RASA1: variants seen among roughly 807,000 people sequenced by gnomAD.
The protein encoded by RASA1 is RAS p21 protein activator 1.
Under a neutral mutation model 132.2 loss-of-function variants are expected in RASA1, and 25 were observed. That is an observed-to-expected ratio of 0.19 (90% CI 0.14 to 0.26). The LOEUF (loss-of-function observed/expected upper bound fraction) is 0.26, where lower values mean the gene tolerates loss of function less well. Among genes scored for constraint, RASA1 ranks in the 10% least tolerant of loss-of-function variants. RASA1 has a pLI of 1.00. For synonymous variants in RASA1, 477 were observed against 449.9 expected (o/e 1.06, Z -0.76); for missense variants, 964 against 1,299.2 (o/e 0.74, Z 3.97).
rs1753693500 is a variant in RASA1, at chr5:87,268,868, T to G, written c.417T>G (p.Pro139=). ...GPGGGFPPLP[P]PPYLPPLGAG... is the part of the protein sequence containing the mutation. ...GCGGCGGTTTTCCCCCTCTGCCCCC[T>G]CCCCCTTACCTGCCCCCTTTGGGGG... The change falls in exon 1 of 25, where the codon CCT becomes CCG. Residue 139 remains proline, a synonymous_variant. Coordinates refer to ENST00000274376, the MANE Select transcript of RASA1 (RefSeq NM_002890.3). 1 of 1,613,106 alleles carries G rather than the reference T, an allele frequency of 6.2e-7. No individual in the cohort carries two copies. The highest frequency in any genetic ancestry group is 8.5e-7 in the Non-Finnish European group (1 of 1,179,890).
chr5:87,365,009 T>C (rs1760398581), intron 11 of RASA1, among the ~76,000 whole-genome samples: 1 of 152,174 alleles, frequency 6.6e-6, no homozygotes, highest in East Asian at 1.9e-4. Flanking sequence ...TATTCACTAC[T>C]AAATGTAGTT....
chr5:87,271,573 T>G (rs1753842494), intron 1 of RASA1, among the ~76,000 whole-genome samples: 1 of 141,850 alleles, frequency 7.0e-6, no homozygotes, highest in Admixed American at 7.3e-5. Context: ...CCTCCCCGCC[T>G]TCAGGTTCAA....
intron 20 of RASA1, among the ~76,000 whole-genome samples, chr5:87,382,611 C>A (rs572901408): frequency 2.6e-5 from 4 of 152,288 alleles, no homozygotes; most frequent in African/African-American, 9.6e-5. Context: ...ATCCTCCCTA[C>A]CAGTGACTAA....
rs542071140 is a variant in RASA1, at chr5:87,338,147, A to G, written c.1017+56A>G. Reference sequence around the variant, plus strand: ...GATTCTAAATATTTTATAAATTTGGATCTTGTCCGTAATCAGAGAAAGTAG... The same window carrying G: ...GATTCTAAATATTTTATAAATTTGGGTCTTGTCCGTAATCAGAGAAAGTAG... On this transcript the variant is annotated intron_variant, in intron 5 of 24. Coordinates refer to ENST00000274376, the MANE Select transcript of RASA1 (RefSeq NM_002890.3). 2.6e-5 allele frequency: 42 copies of G among 1,605,758 alleles called. No individual in the cohort carries two copies. The East Asian group carries it at 8.8e-4, about 34-fold the overall frequency.
At chr5:87,307,448 G>A (rs1263935835) in intron 1 of RASA1, among the ~76,000 whole-genome samples, 1 of 147,152 alleles carries the variant, frequency 6.8e-6, no homozygotes, top group South Asian at 2.2e-4. Flanking sequence ...GCAACAGAGC[G>A]AAACTCTGTC....
intron 1 of RASA1, among the ~76,000 whole-genome samples, chr5:87,293,852 G>A (rs757194723): frequency 3.9e-5 from 6 of 152,078 alleles, no homozygotes; most frequent in African/African-American, 9.6e-5. Flanking sequence ...ATTTGTGGGC[G>A]TAGATTTATT....
chr5:87,282,063 T>G (rs1043033941), intron 1 of RASA1, among the ~76,000 whole-genome samples: 2 of 152,200 alleles, frequency 1.3e-5, no homozygotes, highest in Non-Finnish European at 2.9e-5. Flanking sequence ...TCCAGCTTAC[T>G]TGTTTTTTTC....
chr5:87,269,631 A>C (rs1268780603), intron 1 of RASA1, among the ~76,000 whole-genome samples: 1 of 152,214 alleles, frequency 6.6e-6, no homozygotes, highest in African/African-American at 2.4e-5. Context: ...TTGCCACTTA[A>C]TATTAACGCA....
chr5:87,291,410 G>A (rs1053737946), intron 1 of RASA1, among the ~76,000 whole-genome samples: 1 of 152,116 alleles, frequency 6.6e-6, no homozygotes, highest in Non-Finnish European at 1.5e-5. Context: ...GCACACCTGT[G>A]GTTCCAGCTA....
chr5:87,383,932 G>A, intron 21 of RASA1, 152 bp downstream of exon 21: 1 of 695,502 alleles, frequency 1.4e-6, no homozygotes, highest in Non-Finnish European at 2.4e-6. Flanking sequence ...TTCCTTCCTT[G>A]TGCTTGTGCT....
intron 1 of RASA1, among the ~76,000 whole-genome samples, chr5:87,278,313 G>A (rs920011122): frequency 1.3e-5 from 2 of 151,844 alleles, no homozygotes; most frequent in Non-Finnish European, 2.9e-5. Context: ...TTGGGAGGCC[G>A]AGGTGGGTGG....
Position 87,389,446 on chromosome 5 carries a change from T to C in RASA1, c.2979T>C (p.Arg993=). ...AGCATTCTAGAACGGACCTGTCCCG[T>C]GATTTAGCAGCATTGCATGAGATTT... ...TTEHSRTDLS[R]DLAALHEICV... The change falls in exon 24 of 25, where the codon CGT becomes CGC. Residue 993 remains arginine (R), a synonymous_variant. Coordinates refer to ENST00000274376, the MANE Select transcript of RASA1 (RefSeq NM_002890.3). The C allele has an allele frequency of 6.2e-7, 1 of 1,614,172 alleles. No homozygotes were observed. Among genetic ancestry groups the C allele is most frequent in the East Asian group, 2.2e-5 (1 of 44,886 alleles).
chr5:87,290,740 A>G (rs1754878539), intron 1 of RASA1, among the ~76,000 whole-genome samples: 1 of 152,206 alleles, frequency 6.6e-6, no homozygotes, highest in African/African-American at 2.4e-5. Flanking sequence ...GGAATTGTAC[A>G]GTATGTAGCC....
intron 13 of RASA1, 143 bp from the exon 14 acceptor site, chr5:87,374,020 T>A (rs1465293731): frequency 1.6e-6 from 1 of 636,888 alleles, no homozygotes; most frequent in African/African-American, 1.9e-5. Flanking sequence ...TACAAATATA[T>A]AACCAAAGCT....
At chr5:87,310,548 A>C (rs190950391) in intron 1 of RASA1, among the ~76,000 whole-genome samples, 13 of 152,296 alleles carry the variant, frequency 8.5e-5, no homozygotes, top group Admixed American at 8.5e-4. Flanking sequence ...GAAGGAATTA[A>C]AATTTTGTTA....
intron 1 of RASA1, among the ~76,000 whole-genome samples, chr5:87,316,408 A>G (rs1379996765): frequency 1.3e-5 from 2 of 152,252 alleles, no homozygotes; most frequent in Admixed American, 6.5e-5. Context: ...TTCCCAGGTT[A>G]TCAGTAGATA....
intron 10 of RASA1, 145 bp from the exon 11 acceptor site, chr5:87,363,202 AT>A: frequency 1.3e-6 from 1 of 755,886 alleles, no homozygotes; most frequent in Non-Finnish European, 2.1e-6. Flanking sequence ...TGTTATAGGC[AT>A]TTTCTCATTA....
chr5:87,331,052 T>C lies in RASA1; in HGVS notation c.540-296T>C. 3.2e-6 allele frequency: 4 copies of C among 1,240,542 alleles called. No individual in the cohort carries two copies. In the South Asian group the frequency reaches 6.4e-5, roughly 20 times the overall value. The allele number at this position is 1,240,542 out of a possible 1,614,324, so 76.8% of individuals were successfully genotyped here. A position where few individuals can be genotyped will look rare whatever the true frequency, so the allele number is the denominator to read the frequency against. The stretch of plus-strand genomic sequence containing the variant: ...AAGTAAAGATCTGGTTGCAGTAGTG[T>C]TTATATTTTGAATAGCAGGCAATCC... On this transcript the variant is annotated intron_variant, in intron 1 of 24. Transcript: ENST00000274376.
intron 1 of RASA1, among the ~76,000 whole-genome samples, chr5:87,288,284 T>C (rs1478995286): frequency 6.6e-6 from 1 of 151,798 alleles, no homozygotes; most frequent in Non-Finnish European, 1.5e-5. Flanking sequence ...TGACAGACTT[T>C]CATTTATTCT....
Sources: allele counts gnomAD v4.1 joint callset (sites outside exome capture counted in the v4.1 genomes callset), GRCh38; gene constraint gnomAD v4.1.1; transcripts MANE v1.5; gene names NCBI Gene and HGNC (gene_info 2026-07-23, HGNC 2026-07-21).